Variants in FARP1 observed in about 807,000 individuals in gnomAD.
The protein encoded by FARP1 is FERM, ARH/RhoGEF and pleckstrin domain protein 1.
In FARP1, 52 loss-of-function variants were observed where a neutral mutation model predicts 128.8. The ratio of observed to expected loss-of-function variants is 0.40; its 90% CI spans 0.32 to 0.51. The LOEUF (loss-of-function observed/expected upper bound fraction) is 0.51, where lower values mean the gene tolerates loss of function less well. Among genes scored for constraint, FARP1 ranks in the 20% least tolerant of loss-of-function variants. The pLI is 0.45. For missense variants in FARP1, 1,333 were observed against 1,367.9 expected (o/e 0.97, Z 0.40); for synonymous variants, 580 against 551.8 (o/e 1.05, Z -0.72).
chr13:98,183,337 T>C (rs192617956), intron 1 of FARP1, among the ~76,000 whole-genome samples: 1 of 152,326 alleles, frequency 6.6e-6, no homozygotes, highest in East Asian at 1.9e-4. Flanking sequence ...ATCTCTTAGA[T>C]TGATGACTGT....
At chr13:98,222,499 G>A (rs1237534892) in intron 2 of FARP1, among the ~76,000 whole-genome samples, 1 of 152,110 alleles carries the variant, frequency 6.6e-6, no homozygotes, top group Non-Finnish European at 1.5e-5. Context: ...CCCAGCCCAG[G>A]ACCACATACA....
At chr13:98,349,689 AAAAAAAAAAAAAAG>A (rs1273829792) in intron 3 of FARP1, among the ~76,000 whole-genome samples, 1 of 150,882 alleles carries the variant, frequency 6.6e-6, no homozygotes, top group Admixed American at 6.6e-5. Context: ...AAAAAAAAAA[AAAAAAAAAAAAAAG>A]ACAATGCTTA....
chr13:98,325,654 A>C (rs1009609745), intron 2 of FARP1, among the ~76,000 whole-genome samples: 3 of 152,352 alleles, frequency 2.0e-5, no homozygotes, highest in African/African-American at 7.2e-5. Context: ...GACAGAAGGC[A>C]TTGAGAAATC....
intron 1 of FARP1, among the ~76,000 whole-genome samples, chr13:98,198,148 C>T (rs1260690963): frequency 6.6e-6 from 1 of 152,194 alleles, no homozygotes; most frequent in Non-Finnish European, 1.5e-5. Context: ...CAGCAATCAG[C>T]TGAATTACCT....
intron 2 of FARP1, among the ~76,000 whole-genome samples, chr13:98,240,205 G>T (rs1882683448): frequency 6.6e-6 from 1 of 152,196 alleles, no homozygotes; most frequent in South Asian, 2.1e-4. Flanking sequence ...ACCGATTCAG[G>T]GTAGACGCAC....
intron 1 of FARP1, among the ~76,000 whole-genome samples, chr13:98,163,052 A>C (rs285103): frequency 0.91 from 138,446 of 152,194 alleles, 64,396 homozygotes; most frequent in East Asian, 1. Flanking sequence ...TTCACAATAG[A>C]AAACACATGG....
chr13:98,304,408 G>A (rs1319631968), intron 2 of FARP1, among the ~76,000 whole-genome samples: 1 of 152,214 alleles, frequency 6.6e-6, no homozygotes, highest in Non-Finnish European at 1.5e-5. Context: ...GAAGTGACTT[G>A]TGCTTCTGTT....
chr13:98,300,122 C>T (rs766972298), intron 2 of FARP1, among the ~76,000 whole-genome samples: 3 of 152,238 alleles, frequency 2.0e-5, no homozygotes, highest in Non-Finnish European at 4.4e-5. Context: ...AATTTGGCCA[C>T]ACCCTTTCCC....
chr13:98,368,297 T>G, intron 5 of FARP1, 102 bp downstream of exon 5: 5 of 860,336 alleles, frequency 5.8e-6, no homozygotes, highest in Non-Finnish European at 9.6e-6. Context: ...TAATGTTTAC[T>G]TGACCAGCAT....
intron 2 of FARP1, among the ~76,000 whole-genome samples, chr13:98,240,688 C>G (rs767596965): frequency 1.2e-4 from 18 of 152,188 alleles, no homozygotes; most frequent in Non-Finnish European, 2.4e-4. Flanking sequence ...TCTCACTGGT[C>G]GGGAGAGGAT....
chr13:98,266,087 G>A (rs1884101905), intron 2 of FARP1, among the ~76,000 whole-genome samples: 2 of 151,928 alleles, frequency 1.3e-5, no homozygotes, highest in African/African-American at 4.8e-5. Context: ...GAATAATGAG[G>A]GCAAAATGGG....
At chr13:98,145,902 G>A (rs1370857864) in intron 1 of FARP1, among the ~76,000 whole-genome samples, 9 of 111,684 alleles carry the variant, frequency 8.1e-5, no homozygotes, top group Non-Finnish European at 1.9e-4. Flanking sequence ...ACTGCCCAAG[G>A]AAATTGTTTT....
intron 2 of FARP1, among the ~76,000 whole-genome samples, chr13:98,305,844 T>A (rs539679576): frequency 4.3e-4 from 63 of 146,416 alleles, no homozygotes; most frequent in Non-Finnish European, 8.2e-4. Flanking sequence ...ATTTTACTTC[T>A]TGTATTATTA....
At chr13:98,235,713 A>G (rs1448764868) in intron 2 of FARP1, among the ~76,000 whole-genome samples, 6 of 152,254 alleles carry the variant, frequency 3.9e-5, no homozygotes, top group Non-Finnish European at 8.8e-5. Flanking sequence ...CTCTAGATAC[A>G]TTAAACAGCC....
chr13:98,312,481 G>C (rs981902155), intron 2 of FARP1, among the ~76,000 whole-genome samples: 4 of 152,108 alleles, frequency 2.6e-5, no homozygotes, highest in Admixed American at 1.3e-4. Flanking sequence ...AGTTTGCAAG[G>C]TGCATGTTTG....
chr13:98,407,377 T>G (rs1245836097), intron 13 of FARP1: 3 of 151,972 alleles, frequency 2.0e-5, no homozygotes, highest in Non-Finnish European at 4.4e-5. Context: ...TGTAGTACCT[T>G]GAAACAACTG....
intron 2 of FARP1, among the ~76,000 whole-genome samples, chr13:98,330,831 A>T (rs1887477608): frequency 6.6e-6 from 1 of 152,174 alleles, no homozygotes. Context: ...CCTGAGTGTC[A>T]TGAGTGTCCA....
chr13:98,239,214 A>G (rs1349682478), intron 2 of FARP1, among the ~76,000 whole-genome samples: 2 of 152,204 alleles, frequency 1.3e-5, no homozygotes, highest in East Asian at 3.9e-4. Context: ...CCAAGGGAAC[A>G]AGTGCCGGTT....
intron 1 of FARP1, among the ~76,000 whole-genome samples, chr13:98,194,009 T>G (rs541306332): frequency 6.6e-6 from 1 of 152,328 alleles, no homozygotes; most frequent in African/African-American, 2.4e-5. Context: ...TTTCTTTTGC[T>G]TTATCATGCT....
Sources: allele counts gnomAD v4.1 joint callset (sites outside exome capture counted in the v4.1 genomes callset), GRCh38; gene constraint gnomAD v4.1.1; transcripts MANE v1.5; gene names NCBI Gene and HGNC (gene_info 2026-07-23, HGNC 2026-07-21).